The following FMN1 variants were observed in gnomAD, a reference collection of about 807,000 sequenced individuals.
The protein encoded by FMN1 is formin-1.
In FMN1, 110 loss-of-function variants were observed where a neutral mutation model predicts 132.4. The ratio of observed to expected loss-of-function variants is 0.83; its 90% CI spans 0.71 to 0.97. FMN1 has a LOEUF of 0.97. FMN1 is among the 50% of genes least tolerant of loss of function. The probability of loss-of-function intolerance (pLI) is 0.00; values close to 1 mark genes in which losing one functional copy is unlikely to be tolerated. For missense variants in FMN1, 1,792 were observed against 1,705.3 expected, an observed-to-expected ratio of 1.05 and a Z score of -0.90; for synonymous variants, 722 against 651.7, an observed-to-expected ratio of 1.11 and a Z score of -1.64.
rs536492510 is a variant in FMN1, at chr15:32,926,762, C to T, written c.3139-501G>A. On this transcript the variant is annotated intron_variant, in intron 9 of 20. Transcript: ENST00000616417. Reference sequence around the variant, plus strand: ...GATAACCTCTATGAATTGATTTCCTCATCATGAAGGGCTGACTATATTTAG... The same window carrying T: ...GATAACCTCTATGAATTGATTTCCTTATCATGAAGGGCTGACTATATTTAG... 2.0e-5 allele frequency among the ~76,000 whole-genome samples: 3 copies of T among 152,222 alleles called. No homozygotes were observed. In the East Asian group the frequency reaches 5.8e-4, roughly 29 times the overall value.
At chr15:33,086,005 A>T (rs540703039) in intron 5 of FMN1, among the ~76,000 whole-genome samples, 2 of 152,284 alleles carry the variant, frequency 1.3e-5, no homozygotes, top group African/African-American at 4.8e-5. Context: ...TAATCCCAGC[A>T]CTTTGAGAGG....
intron 7 of FMN1, among the ~76,000 whole-genome samples, chr15:32,982,192 A>G (rs139890104): frequency 6.6e-6 from 1 of 152,328 alleles, no homozygotes; most frequent in East Asian, 1.9e-4. Context: ...ACCACATAAG[A>G]TATCACTGCA....
At chr15:33,080,411 G>A in intron 5 of FMN1, among the ~76,000 whole-genome samples, 1 of 152,118 alleles carries the variant, frequency 6.6e-6, no homozygotes, top group East Asian at 1.9e-4. Flanking sequence ...TTAACCACTA[G>A]ACACCCCCTC....
At chr15:33,059,309 C>A (rs779871361) in intron 6 of FMN1, among the ~76,000 whole-genome samples, 4 of 152,154 alleles carry the variant, frequency 2.6e-5, no homozygotes, top group Admixed American at 6.5e-5. Context: ...TGAATACTTA[C>A]ACTGATTTAA....
chr15:33,166,376 G>A (rs1455635326), intron 3 of FMN1, among the ~76,000 whole-genome samples: 1 of 150,448 alleles, frequency 6.6e-6, no homozygotes, highest in Admixed American at 6.6e-5. Context: ...TTTTTAAAAA[G>A]CCCAAAATTT....
At position 33,128,146 on chromosome 15, in the gene FMN1, G is replaced by GT. The variant is rs1963290717; in HGVS notation, c.1867+24901dup. On this transcript the variant is annotated intron_variant, in intron 4 of 20. Coordinates refer to ENST00000616417, the MANE Select transcript of FMN1 (RefSeq NM_001277313.2). The stretch of plus-strand genomic sequence containing the variant: ...CATGGTGATGGGAGCAGTAGAGAGT[G>GT]TAACAGAAGTAGGATGGAGAAATAA... Among the ~76,000 whole-genome samples, 3 of 151,220 alleles carry GT rather than the reference G, an allele frequency of 2.0e-5. No individual in the cohort carries two copies. In the South Asian group the frequency reaches 6.2e-4, roughly 31 times the overall value.
At chr15:32,950,054 C>CATATATATATATACACATATATAT (rs1567449834) in intron 9 of FMN1, among the ~76,000 whole-genome samples, 5 of 4,902 alleles carry the variant, frequency 1.0e-3, no homozygotes, top group Admixed American at 3.3e-3. Flanking sequence ...TATATATACA[C>CATATATATATATACACATATATAT]ATATATATAT....
chr15:32,960,941 G>A (rs940600523), intron 9 of FMN1, among the ~76,000 whole-genome samples: 1 of 124,334 alleles, frequency 8.0e-6, no homozygotes. Context: ...GTTGCAGTGA[G>A]CCGAGATCAC....
intron 4 of FMN1, among the ~76,000 whole-genome samples, chr15:33,097,463 C>T (rs879503139): frequency 6.6e-6 from 1 of 151,990 alleles, no homozygotes; most frequent in South Asian, 2.1e-4. Flanking sequence ...AAGAAAACTA[C>T]AATAAATAAA....
intron 16 of FMN1, among the ~76,000 whole-genome samples, chr15:32,886,223 C>T (rs576484724): frequency 2.3e-4 from 35 of 152,168 alleles, no homozygotes; most frequent in Non-Finnish European, 5.0e-4. Flanking sequence ...TAAAGATTAG[C>T]AGGGCATTTT....
chr15:32,874,259 G>T (rs2059588166), intron 16 of FMN1, among the ~76,000 whole-genome samples: 1 of 152,004 alleles, frequency 6.6e-6, no homozygotes, highest in South Asian at 2.1e-4. Context: ...CTGACCTCGT[G>T]ATCTGCCTGC....
chr15:32,804,289 T>C lies in FMN1; in HGVS notation c.3972A>G (p.Ala1324=). The change falls in exon 18 of 21, where the codon GCA becomes GCG. Residue 1324 remains alanine (A), a synonymous_variant. Transcript: ENST00000616417. ...HKMEESHLEN[A]QKSFETTVRY... is the part of the protein sequence containing the mutation. ...AAATCAGAGCTGCTTACCTTTTCTG[T>C]GCATTCTCCAAGTGACTTTCTTCCA... is the stretch of plus-strand genomic sequence containing the variant. 1.3e-6 allele frequency: 2 copies of C among 1,568,338 alleles called. No individual in the cohort carries two copies. Among genetic ancestry groups the C allele is most frequent in the Non-Finnish European group, 1.7e-6 (2 of 1,155,116 alleles).
chr15:33,162,117 T>C (rs1290632969), intron 3 of FMN1, among the ~76,000 whole-genome samples: 6 of 152,032 alleles, frequency 3.9e-5, no homozygotes, highest in Non-Finnish European at 7.4e-5. Context: ...GCCCAGGCAA[T>C]TCTCCTACCT....
intron 6 of FMN1, chr15:33,012,415 C>T: frequency 1.1e-6 from 1 of 917,754 alleles, no homozygotes; most frequent in South Asian, 1.3e-5. Context: ...ACCAGGTGCC[C>T]ACTCAACTGT....
intron 4 of FMN1, among the ~76,000 whole-genome samples, chr15:33,121,041 A>T (rs1962503900): frequency 2.0e-5 from 3 of 152,114 alleles, no homozygotes; most frequent in Non-Finnish European, 4.4e-5. Flanking sequence ...CATTCATATA[A>T]CCCAAAAATG....
chr15:33,034,888 T>TG (rs1352029396), intron 6 of FMN1, among the ~76,000 whole-genome samples: 2 of 152,298 alleles, frequency 1.3e-5, no homozygotes, highest in South Asian at 2.1e-4. Context: ...ATCATGCCTC[T>TG]GCTCAACATT....
chr15:32,986,595 T>G (rs553283076), intron 7 of FMN1, among the ~76,000 whole-genome samples: 1 of 152,274 alleles, frequency 6.6e-6, no homozygotes, highest in South Asian at 2.1e-4. Context: ...CTCAATGCCT[T>G]AACCAGTTAA....
At chr15:32,841,548 G>A in intron 17 of FMN1, among the ~76,000 whole-genome samples, 1 of 152,152 alleles carries the variant, frequency 6.6e-6, no homozygotes, top group East Asian at 1.9e-4. Context: ...AGAAGAAGCG[G>A]AGTAGAAAAC....
At chr15:32,834,388 T>C (rs535300405) in intron 17 of FMN1, among the ~76,000 whole-genome samples, 66 of 152,248 alleles carry the variant, frequency 4.3e-4, no homozygotes, top group African/African-American at 1.5e-3. Context: ...AAGTAAGACC[T>C]TAATTACATA....
Sources: gnomAD v4.1 joint callset for allele counts (sites outside exome capture counted in the v4.1 genomes callset) on GRCh38, gnomAD v4.1.1 for gene constraint, MANE v1.5 for transcripts, NCBI Gene and HGNC (gene_info 2026-07-23, HGNC 2026-07-21) for gene names.